The following DTNB variants were observed in gnomAD, a reference collection of about 807,000 sequenced individuals.
DTNB encodes the protein DTN-B.
In DTNB, 63 loss-of-function variants were observed where a neutral mutation model predicts 90.7. The observed-to-expected ratio is 0.69, with a 90% confidence interval of 0.57 to 0.86. The LOEUF (loss-of-function observed/expected upper bound fraction) is 0.86. Ranked by LOEUF, DTNB falls within the 40% of genes least tolerant of loss-of-function variation. The probability of loss-of-function intolerance (pLI) is 0.00; values close to 1 mark genes in which losing one functional copy is unlikely to be tolerated. For missense variants in DTNB, 744 were observed against 807.1 expected (o/e 0.92, Z 0.95); for synonymous variants, 277 against 286.7 (o/e 0.97, Z 0.34).
rs1206858064 is a variant in DTNB, at chr2:25,388,203, T to A, written c.1734A>T (p.Gln578His). The A allele has an allele frequency of 1.3e-6, 2 of 1,565,612 alleles. No individual in the cohort carries two copies. The highest frequency in any genetic ancestry group is 4.7e-5 in the East Asian group (2 of 42,350). Reference sequence around the variant, plus strand: ...CTGAACTCTGCTCCAGAAACTCACCTTGTGCGAAGGCCTCCTGCACGTCTC... The same window carrying A: ...CTGAACTCTGCTCCAGAAACTCACCATGTGCGAAGGCCTCCTGCACGTCTC... ...VGGDVQEAFA[Q>H]GTRRNLRNDL... The change falls in exon 17 of 21, where the codon CAA (glutamine) becomes CAT (histidine). Residue 578 changes from glutamine to histidine, a missense_variant and splice_region_variant. By Grantham distance (24) the Gln-to-His change is conservative. Transcript: ENST00000406818.
At chr2:25,390,636 G>A (rs555666643) in intron 16 of DTNB, among the ~76,000 whole-genome samples, 1 of 151,854 alleles carries the variant, frequency 6.6e-6, no homozygotes, top group Non-Finnish European at 1.5e-5. Context: ...TAGTAGAGAT[G>A]GGGTTTCGCC....
At chr2:25,492,579 G>A (rs1481095476) in intron 9 of DTNB, among the ~76,000 whole-genome samples, 1 of 152,258 alleles carries the variant, frequency 6.6e-6, no homozygotes, top group East Asian at 1.9e-4. Context: ...AGATGAAGGA[G>A]TAGGCTGGGT....
intron 8 of DTNB, among the ~76,000 whole-genome samples, chr2:25,569,474 A>C (rs897556970): frequency 2.6e-5 from 4 of 152,106 alleles, no homozygotes; most frequent in Non-Finnish European, 5.9e-5. Flanking sequence ...TCTCCTAATC[A>C]GACTGGTTGG....
intron 4 of DTNB, among the ~76,000 whole-genome samples, chr2:25,626,034 T>C (rs1043291189): frequency 6.6e-6 from 1 of 152,172 alleles, no homozygotes; most frequent in Admixed American, 6.5e-5. Flanking sequence ...GATCTTGAAC[T>C]TCCCAGCCTC....
intron 9 of DTNB, among the ~76,000 whole-genome samples, chr2:25,492,466 C>T (rs563630621): frequency 2.0e-5 from 3 of 152,214 alleles, no homozygotes; most frequent in Admixed American, 2.0e-4. Context: ...AACTTAGATC[C>T]AGGGGTAAAC....
intron 19 of DTNB, chr2:25,379,725 A>G (rs1573576777): frequency 5.4e-6 from 1 of 183,838 alleles, no homozygotes; most frequent in South Asian, 1.9e-4. Flanking sequence ...GCGCTTGCTC[A>G]CCCGAGGCTC....
chr2:25,523,761 CTT>C (rs1311353653), intron 9 of DTNB, among the ~76,000 whole-genome samples: 1 of 151,964 alleles, frequency 6.6e-6, no homozygotes, highest in African/African-American at 2.4e-5. Flanking sequence ...AACTAAAACT[CTT>C]TATGTCCTCC....
intron 3 of DTNB, among the ~76,000 whole-genome samples, chr2:25,635,973 CAT>C (rs1313102649): frequency 6.6e-6 from 1 of 152,122 alleles, no homozygotes; most frequent in Non-Finnish European, 1.5e-5. Flanking sequence ...CAGACCTTCT[CAT>C]ATATGGACAC....
At chr2:25,485,841 T>TGGCCA (rs758340718) in intron 9 of DTNB, among the ~76,000 whole-genome samples, 31 of 152,022 alleles carry the variant, frequency 2.0e-4, no homozygotes, top group Non-Finnish European at 3.2e-4. Context: ...ATTAGCCTGC[T>TGGCCA]GGCCAGGCGC....
At chr2:25,589,356 CT>C (rs1427070571) in intron 6 of DTNB, among the ~76,000 whole-genome samples, 1 of 65,456 alleles carries the variant, frequency 1.5e-5, no homozygotes, top group African/African-American at 5.9e-5. Flanking sequence ...ATTCAGGTTT[CT>C]TTTTCTTTTC....
chr2:25,595,560 T>C (rs2064417267), intron 6 of DTNB, among the ~76,000 whole-genome samples: 1 of 152,120 alleles, frequency 6.6e-6, no homozygotes, highest in Non-Finnish European at 1.5e-5. Context: ...CTCTGAAGCA[T>C]GGTTAAGATC....
At chr2:25,558,257 A>C (rs1297196629) in intron 8 of DTNB, 3 of 985,350 alleles carry the variant, frequency 3.0e-6, no homozygotes, top group African/African-American at 1.7e-5. Flanking sequence ...AGATCTCAGA[A>C]AGCATGAGGT....
At position 25,650,410 on chromosome 2, in the gene DTNB, A is replaced by C. The variant is rs1031359178; in HGVS notation, c.67+2184T>G. 3.3e-5 allele frequency among the ~76,000 whole-genome samples: 5 copies of C among 152,202 alleles called. No homozygotes were observed. In the East Asian group the frequency reaches 9.6e-4, roughly 29 times the overall value. On this transcript the variant is annotated intron_variant, in intron 2 of 20. Coordinates refer to ENST00000406818, the MANE Select transcript of DTNB (RefSeq NM_021907.5). ...AGATGACCCCTATGCTGAGTTTTGA[A>C]GGGTAGGCAGAAGCAGTATGACGGG...
At chr2:25,457,137 G>A (rs529236709) in intron 10 of DTNB, among the ~76,000 whole-genome samples, 1 of 152,174 alleles carries the variant, frequency 6.6e-6, no homozygotes, top group South Asian at 2.1e-4. Context: ...AGTCTCCTGT[G>A]TAGCTGGGAT....
At chr2:25,511,580 C>T (rs1016376367) in intron 9 of DTNB, among the ~76,000 whole-genome samples, 3 of 152,186 alleles carry the variant, frequency 2.0e-5, no homozygotes, top group Non-Finnish European at 4.4e-5. Context: ...GATCCACCTG[C>T]CTCGGCCTCC....
chr2:25,615,735 C>T (rs1398899356), intron 4 of DTNB, among the ~76,000 whole-genome samples: 1 of 152,176 alleles, frequency 6.6e-6, no homozygotes, highest in Non-Finnish European at 1.5e-5. Flanking sequence ...GGCAGACCAA[C>T]ATGTATATTT....
Position 25,385,371 on chromosome 2 carries a change from G to A in DTNB, c.1826-1482C>T, listed in dbSNP as rs72849858. Among the ~76,000 whole-genome samples, 447 of 152,278 alleles carry A rather than the reference G, an allele frequency of 2.9e-3. 2 individuals carry two copies. The highest frequency in any genetic ancestry group is 0.01 in the African/African-American group (427 of 41,540). ...AGACAGTAAAAACATGTTGGTGATG[G>A]GTGAAGCTATTCCATTCACTGAGAA... On this transcript the variant is annotated intron_variant, in intron 18 of 20. Coordinates refer to ENST00000406818, the MANE Select transcript of DTNB (RefSeq NM_021907.5).
At chr2:25,628,428 G>C in intron 3 of DTNB, 44 bp from the exon 4 acceptor site, 1 of 1,553,974 alleles carries the variant, frequency 6.4e-7, no homozygotes, top group Non-Finnish European at 8.8e-7. Context: ...TTAAAGTGTG[G>C]TACTACCCTT....
chr2:25,400,145 C>A (rs1458719678), intron 16 of DTNB, among the ~76,000 whole-genome samples: 1 of 152,180 alleles, frequency 6.6e-6, no homozygotes, highest in African/African-American at 2.4e-5. Context: ...GAAATAAGGT[C>A]CTTCTAACTA....
Sources: allele counts gnomAD v4.1 joint callset (sites outside exome capture counted in the v4.1 genomes callset), GRCh38; gene constraint gnomAD v4.1.1; transcripts MANE v1.5; gene names NCBI Gene and HGNC (gene_info 2026-07-23, HGNC 2026-07-21).